The following LSM3 variants were observed in gnomAD, a reference collection of about 807,000 sequenced individuals.
LSM3 encodes U6 snRNA-associated Sm-like protein LSm3.
In LSM3, 14 loss-of-function variants were observed where a neutral mutation model predicts 15.4. The observed-to-expected ratio is 0.91, with a 90% CI of 0.60 to 1.42. The LOEUF (loss-of-function observed/expected upper bound fraction) is 1.42, where lower values mean the gene tolerates loss of function less well. Ranked by LOEUF, LSM3 falls within the 40% of genes most tolerant of loss-of-function variation. LSM3 has a pLI of 0.00. For synonymous variants in LSM3, 46 were observed against 45.1 expected, an observed-to-expected ratio of 1.02 and a Z score of -0.08; for missense variants, 88 against 127.9, an observed-to-expected ratio of 0.69 and a Z score of 1.50.
intron 3 of LSM3, among the ~76,000 whole-genome samples, chr3:14,184,946 A>G (rs1410255999): frequency 6.6e-6 from 1 of 152,046 alleles, no homozygotes; most frequent in Non-Finnish European, 1.5e-5. Context: ...AATCCCAGCT[A>G]CTTGGGAGGC....
Position 14,200,353 on chromosome 3 carries a change from G to C in LSM3, c.*2237G>C, listed in dbSNP as rs949681113. ...ACAGAGACAGCTCAAGCAGGGCCCT[G>C]CCATGGTCCACACTGAGGTTTCCTC... On this transcript the variant is annotated 3_prime_UTR_variant, in exon 4 of 4. Transcript: ENST00000306024. The C allele has an allele frequency of 2.0e-5, 3 of 152,096 alleles. No individual in the cohort carries two copies. Among genetic ancestry groups the C allele is most frequent in the African/African-American group, 7.3e-5 (3 of 41,338 alleles). 9.4% of individuals were successfully genotyped at this position (152,096 alleles called of 1,614,324 possible).
In LSM3 at chr3:14,181,630, T is replaced by C. The variant is rs751103387; in HGVS notation, c.92T>C (p.Val31Ala). ...CTCAGCCTAGATGAGCGAATTTATG[T>C]GAAAATGAGAAATGACCGAGAGCTT... The part of the protein sequence containing the change: ...IRLSLDERIY[V>A]KMRNDRELRG... Residue 31 changes from valine to alanine, a missense_variant, in exon 2 of 4, where the codon GTG (valine) becomes GCG (alanine). Physicochemically the swap from Val to Ala is moderately conservative, Grantham distance 64 (BLOSUM62 0). Coordinates refer to ENST00000306024, the MANE Select transcript of LSM3 (RefSeq NM_014463.3). The C allele has an allele frequency of 3.1e-6, 5 of 1,614,076 alleles. No individual in the cohort carries two copies. Among genetic ancestry groups the C allele is most frequent in the Non-Finnish European group, 4.2e-6 (5 of 1,179,932 alleles).
At position 14,198,133 on chromosome 3, in the gene LSM3, T is replaced by C. The variant is rs1202919086; in HGVS notation, c.*17T>C. The C allele has an allele frequency of 6.9e-6, 11 of 1,603,630 alleles. No homozygotes were observed. The highest frequency in any genetic ancestry group is 1.7e-5 in the Admixed American group (1 of 59,974). The stretch of plus-strand genomic sequence containing the variant: ...GTTGGCTGAAACAAAGAATTTGTCC[T>C]GTATGGAAAACGGGAGACTTTGTAC... On this transcript the variant is annotated 3_prime_UTR_variant, in exon 4 of 4. Transcript: ENST00000306024.
intron 3 of LSM3, among the ~76,000 whole-genome samples, chr3:14,192,662 T>C (rs12638202): frequency 0.021 from 3,203 of 152,358 alleles, 191 homozygotes; most frequent in East Asian, 0.2. Flanking sequence ...ATTTTGTGCC[T>C]ATGTGTGTGT....
intron 3 of LSM3, among the ~76,000 whole-genome samples, chr3:14,184,783 T>C (rs1386570949): frequency 2.7e-5 from 4 of 149,232 alleles, no homozygotes; most frequent in African/African-American, 9.9e-5. Flanking sequence ...TGGCCAGGCA[T>C]GGTGGCTCAC....
In LSM3 at chr3:14,187,790, A is replaced by C. The variant is rs1697102758; in HGVS notation, c.228+3758A>C. ...TACATAATTGACTTCTAAATAATTA[A>C]TTTGGCTGCTGACTTATAAATGGGA... On this transcript the variant is annotated intron_variant, in intron 3 of 3. Transcript: ENST00000306024. 2.0e-5 allele frequency among the ~76,000 whole-genome samples: 3 copies of C among 152,194 alleles called. No homozygotes were observed. The South Asian group carries it at 6.2e-4, about 31-fold the overall frequency.
intron 3 of LSM3, among the ~76,000 whole-genome samples, chr3:14,193,749 T>C (rs539040868): frequency 6.6e-6 from 1 of 152,284 alleles, no homozygotes; most frequent in South Asian, 2.1e-4. Context: ...GAGTTGTTTG[T>C]TATTACCCAC....
intron 1 of LSM3, among the ~76,000 whole-genome samples, chr3:14,180,519 C>T (rs1407825627): frequency 6.6e-6 from 1 of 152,150 alleles, no homozygotes. Context: ...AAACTCCTAA[C>T]CTCAGGTGAT....
At chr3:14,193,396 C>A (rs2607745) in intron 3 of LSM3, among the ~76,000 whole-genome samples, 1 of 151,960 alleles carries the variant, frequency 6.6e-6, no homozygotes, top group Non-Finnish European at 1.5e-5. Context: ...CCATTCTCTC[C>A]GTCACTTTGA....
At chr3:14,180,857 TAAA>T (rs34127386) in intron 1 of LSM3, among the ~76,000 whole-genome samples, 1,120 of 64,704 alleles carry the variant, frequency 0.017, 20 homozygotes, top group Non-Finnish European at 0.022. Flanking sequence ...TTTTTTTTTT[TAAA>T]AAAAAAAAAG....
chr3:14,195,881 C>A (rs926537036), intron 3 of LSM3, among the ~76,000 whole-genome samples: 1 of 152,116 alleles, frequency 6.6e-6, no homozygotes, highest in Non-Finnish European at 1.5e-5. Context: ...CTTGCCACTG[C>A]CCAGCTGGCA....
chr3:14,189,949 T>A (rs1282154216), intron 3 of LSM3, among the ~76,000 whole-genome samples: 3 of 152,254 alleles, frequency 2.0e-5, no homozygotes, highest in Non-Finnish European at 2.9e-5. Flanking sequence ...TTTAAGTCTT[T>A]GATCCATCTT....
chr3:14,189,241 T>G (rs985880797), intron 3 of LSM3, among the ~76,000 whole-genome samples: 1 of 152,242 alleles, frequency 6.6e-6, no homozygotes, highest in African/African-American at 2.4e-5. Flanking sequence ...TTTGCTATTG[T>G]GAATAGTGCC....
In LSM3 at chr3:14,198,989, G is replaced by C. The variant is rs1290704860; in HGVS notation, c.*873G>C. On this transcript the variant is annotated 3_prime_UTR_variant, in exon 4 of 4. Transcript: ENST00000306024. ...CAGGATGCCATAGGAGCATGGGGAAGAGCACCCAAATATGGGAGAAAGGGG... is the reference window on the plus strand; with the variant it reads ...CAGGATGCCATAGGAGCATGGGGAACAGCACCCAAATATGGGAGAAAGGGG... 1 of 152,204 alleles carries C rather than the reference G, an allele frequency of 6.6e-6. No homozygotes were observed. Among genetic ancestry groups the C allele is most frequent in the Non-Finnish European group, 1.5e-5 (1 of 68,064 alleles). The allele number at this position is 152,204 out of a possible 1,614,324, so 9.4% of individuals were successfully genotyped here.
intron 3 of LSM3, among the ~76,000 whole-genome samples, chr3:14,193,740 AGTT>A (rs1205164257): frequency 6.6e-6 from 1 of 152,000 alleles, no homozygotes; most frequent in East Asian, 1.9e-4. Context: ...TTTAGCTCGG[AGTT>A]GTTTGTTATT....
Position 14,188,126 on chromosome 3 carries a change from G to A in LSM3, c.228+4094G>A, listed in dbSNP as rs1025203790. On this transcript the variant is annotated intron_variant, in intron 3 of 3. Transcript: ENST00000306024. ...TGTAATAATAGAACTGTCTGCAGCA[G>A]TGAAAATTTCTATCTATGCTGTCAT... 2.0e-5 allele frequency among the ~76,000 whole-genome samples: 3 copies of A among 152,324 alleles called. 1 individual carries two copies. Among genetic ancestry groups the A allele is most frequent in the Middle Eastern group, 3.4e-3 (1 of 294 alleles).
chr3:14,197,025 T>G (rs889744064), intron 3 of LSM3, among the ~76,000 whole-genome samples: 3 of 152,218 alleles, frequency 2.0e-5, no homozygotes, highest in Non-Finnish European at 2.9e-5. Context: ...GCTACAAAAG[T>G]TTGGGTGGAA....
intron 2 of LSM3, among the ~76,000 whole-genome samples, chr3:14,183,419 G>C (rs1697058329): frequency 6.6e-6 from 1 of 152,208 alleles, no homozygotes; most frequent in South Asian, 2.1e-4. Context: ...GAAATGGGCA[G>C]GGTGTTGCTC....
At chr3:14,182,482 G>A (rs1438990011) in intron 2 of LSM3, among the ~76,000 whole-genome samples, 4 of 151,800 alleles carry the variant, frequency 2.6e-5, no homozygotes, top group South Asian at 4.2e-4. Flanking sequence ...GTAAATACTT[G>A]CAGTAAGCAT....
Sources: gnomAD v4.1 joint callset for allele counts (sites outside exome capture counted in the v4.1 genomes callset) on GRCh38, gnomAD v4.1.1 for gene constraint, MANE v1.5 for transcripts, NCBI Gene and HGNC (gene_info 2026-07-23, HGNC 2026-07-21) for gene names.